SRPK1: variants seen among roughly 807,000 people sequenced by gnomAD.
SRPK1 encodes SFRS protein kinase 1.
SRPK1 carries 52 observed loss-of-function variants against 89.5 expected under a neutral mutation model. The ratio of observed to expected loss-of-function variants is 0.58; its 90% CI spans 0.46 to 0.73. The LOEUF (loss-of-function observed/expected upper bound fraction) is 0.73, where lower values mean the gene tolerates loss of function less well. SRPK1 is among the 30% of genes least tolerant of loss of function. The pLI is 0.00. For missense variants in SRPK1, 603 were observed against 780.6 expected (o/e 0.77, Z 2.71); for synonymous variants, 255 against 270.2 (o/e 0.94, Z 0.55).
At chr6:35,885,143 A>T (rs188280160) in intron 6 of SRPK1, among the ~76,000 whole-genome samples, 28 of 152,246 alleles carry the variant, frequency 1.8e-4, no homozygotes, top group African/African-American at 6.5e-4. Flanking sequence ...TTAGTAAAGA[A>T]ATCTGGCACA....
chr6:35,865,749 G>A (rs1303501346), intron 12 of SRPK1, among the ~76,000 whole-genome samples: 2 of 152,032 alleles, frequency 1.3e-5, no homozygotes. Flanking sequence ...ATATGCAGAC[G>A]AATAAAAGAT....
intron 2 of SRPK1, among the ~76,000 whole-genome samples, chr6:35,919,701 C>A (rs1481995636): frequency 6.6e-6 from 1 of 152,158 alleles, no homozygotes; most frequent in East Asian, 1.9e-4. Flanking sequence ...TTTGAACTTG[C>A]CACGATAGCA....
chr6:35,889,176 C>T (rs1770468144), intron 3 of SRPK1, among the ~76,000 whole-genome samples: 1 of 151,798 alleles, frequency 6.6e-6, no homozygotes, highest in Admixed American at 6.6e-5. Context: ...CATCCAAAAA[C>T]AATAAAAAGG....
intron 6 of SRPK1, among the ~76,000 whole-genome samples, chr6:35,876,353 C>T (rs1470337673): frequency 6.6e-6 from 1 of 152,132 alleles, no homozygotes; most frequent in East Asian, 1.9e-4. Context: ...AAACCTATGA[C>T]AGGTCGGGCA....
At chr6:35,835,592 A>C in intron 15 of SRPK1, 104 bp from the exon 16 acceptor site, 1 of 1,029,308 alleles carries the variant, frequency 9.7e-7, no homozygotes, top group Non-Finnish European at 1.3e-6. Flanking sequence ...ATGAGGAATC[A>C]AATTTTGCAA....
chr6:35,836,578 C>T (rs1459687722), intron 15 of SRPK1, among the ~76,000 whole-genome samples: 1 of 151,930 alleles, frequency 6.6e-6, no homozygotes, highest in African/African-American at 2.4e-5. Flanking sequence ...CATAGTGAAA[C>T]CCTGCCTCTA....
intron 2 of SRPK1, among the ~76,000 whole-genome samples, chr6:35,906,481 T>A (rs990461867): frequency 1.7e-4 from 26 of 152,302 alleles, no homozygotes; most frequent in African/African-American, 6.0e-4. Flanking sequence ...GGCCTTGGCC[T>A]CCCAAAGTGC....
intron 13 of SRPK1, among the ~76,000 whole-genome samples, chr6:35,846,496 C>T (rs953954469): frequency 2.0e-5 from 3 of 150,256 alleles, no homozygotes; most frequent in African/African-American, 7.4e-5. Context: ...GGAGGGTGAG[C>T]CGAGATTGTA....
intron 13 of SRPK1, among the ~76,000 whole-genome samples, chr6:35,854,993 T>C (rs1447332977): frequency 6.6e-6 from 1 of 152,120 alleles, no homozygotes. Context: ...TTCAGACAGT[T>C]CACCAGCTTT....
chr6:35,869,310 C>T (rs1421115756), intron 11 of SRPK1, among the ~76,000 whole-genome samples, 172 bp downstream of exon 11: 1 of 152,184 alleles, frequency 6.6e-6, no homozygotes, highest in African/African-American at 2.4e-5. Flanking sequence ...AAATGAAGTG[C>T]TGTGTACTCA....
intron 15 of SRPK1, among the ~76,000 whole-genome samples, chr6:35,837,868 CTTT>C (rs796327113): frequency 7.2e-6 from 1 of 137,984 alleles, no homozygotes; most frequent in Admixed American, 7.3e-5. Flanking sequence ...CCAGTCTCTG[CTTT>C]TTTTTTTTTT....
chr6:35,904,561 G>T (rs1770809229), intron 2 of SRPK1, among the ~76,000 whole-genome samples: 1 of 152,166 alleles, frequency 6.6e-6, no homozygotes, highest in Non-Finnish European at 1.5e-5. Flanking sequence ...AGCACTTTGG[G>T]AGGCCGAGGC....
intron 2 of SRPK1, among the ~76,000 whole-genome samples, chr6:35,895,901 C>G (rs796561368): frequency 1.3e-5 from 2 of 152,330 alleles, no homozygotes; most frequent in South Asian, 4.1e-4. Flanking sequence ...AGCTTCCAGA[C>G]AGCTGAATAA....
intron 8 of SRPK1, among the ~76,000 whole-genome samples, chr6:35,871,284 C>G (rs965371397): frequency 5.9e-5 from 9 of 152,196 alleles, no homozygotes; most frequent in Non-Finnish European, 1.0e-4. Context: ...CTCTTCACCT[C>G]AAATGCTACC....
At chr6:35,908,734 G>A (rs1770899975) in intron 2 of SRPK1, among the ~76,000 whole-genome samples, 1 of 152,216 alleles carries the variant, frequency 6.6e-6, no homozygotes, top group Non-Finnish European at 1.5e-5. Context: ...CAAGACAATA[G>A]AGAAAATGTC....
At chr6:35,879,463 T>A (rs1770228812) in intron 6 of SRPK1, among the ~76,000 whole-genome samples, 1 of 151,876 alleles carries the variant, frequency 6.6e-6, no homozygotes, top group South Asian at 2.1e-4. Context: ...GGAGGACTAC[T>A]TGATTCCAGG....
At chr6:35,905,511 G>A (rs1297553459) in intron 2 of SRPK1, among the ~76,000 whole-genome samples, 1 of 152,200 alleles carries the variant, frequency 6.6e-6, no homozygotes, top group East Asian at 1.9e-4. Context: ...AGTCAAAGAT[G>A]ATGTAAAATG....
intron 2 of SRPK1, among the ~76,000 whole-genome samples, chr6:35,901,913 G>T (rs73404074): frequency 0.019 from 2,932 of 151,944 alleles, 65 homozygotes; most frequent in African/African-American, 0.066. Flanking sequence ...CTGGAACTAG[G>T]GTCTAACAAT....
intron 13 of SRPK1, among the ~76,000 whole-genome samples, chr6:35,844,485 C>T (rs1047646682): frequency 6.6e-6 from 1 of 152,130 alleles, no homozygotes; most frequent in African/African-American, 2.4e-5. Context: ...GTCCTGGTGG[C>T]TCACCAGTGT....
Sources: allele counts gnomAD v4.1 joint callset (sites outside exome capture counted in the v4.1 genomes callset), GRCh38; gene constraint gnomAD v4.1.1; transcripts MANE v1.5; gene names NCBI Gene and HGNC (gene_info 2026-07-23, HGNC 2026-07-21).